MAML2: variants seen among roughly 807,000 people sequenced by gnomAD.
MAML2 encodes mastermind like transcriptional coactivator 2, also known as mastermind-like protein 2.
Under a neutral mutation model 96.1 loss-of-function variants are expected in MAML2, and 22 were observed. The observed-to-expected ratio is 0.23, with a 90% CI of 0.16 to 0.33. The LOEUF is 0.33. MAML2 is among the 10% of genes least tolerant of loss of function. The probability of loss-of-function intolerance (pLI) is 1.00; values close to 1 mark genes in which losing one functional copy is unlikely to be tolerated. For synonymous variants in MAML2, 561 were observed against 521.3 expected (o/e 1.08, Z -1.04); for missense variants, 1,367 against 1,392.4 (o/e 0.98, Z 0.29).
intron 1 of MAML2, among the ~76,000 whole-genome samples, chr11:96,172,723 C>G (rs781748156): frequency 5.3e-5 from 8 of 152,160 alleles, no homozygotes; most frequent in Non-Finnish European, 8.8e-5. Context: ...TTCACTTGTC[C>G]TGCTACAATG....
intron 1 of MAML2, among the ~76,000 whole-genome samples, chr11:96,318,522 C>T (rs1247351306): frequency 1.3e-5 from 2 of 151,950 alleles, no homozygotes; most frequent in African/African-American, 4.8e-5. Flanking sequence ...ACAAAAAAAC[C>T]CTTATTGTGG....
At chr11:96,282,467 C>T (rs1256793791) in intron 1 of MAML2, among the ~76,000 whole-genome samples, 1 of 152,090 alleles carries the variant, frequency 6.6e-6, no homozygotes, top group Non-Finnish European at 1.5e-5. Flanking sequence ...TGCTGATGTC[C>T]ACTCTCCAGG....
At chr11:96,057,588 A>G (rs1435333384) in intron 2 of MAML2, among the ~76,000 whole-genome samples, 1 of 152,212 alleles carries the variant, frequency 6.6e-6, no homozygotes, top group Non-Finnish European at 1.5e-5. Context: ...CCAGTTTTAT[A>G]GTTTTTCTTA....
At chr11:96,261,746 C>A (rs1030033419) in intron 1 of MAML2, among the ~76,000 whole-genome samples, 4 of 152,160 alleles carry the variant, frequency 2.6e-5, no homozygotes, top group African/African-American at 9.7e-5. Context: ...TATTATTCGT[C>A]TATAAAATAA....
chr11:96,124,748 T>C (rs1383308366), intron 1 of MAML2, among the ~76,000 whole-genome samples: 3 of 152,054 alleles, frequency 2.0e-5, no homozygotes, highest in Non-Finnish European at 2.9e-5. Context: ...TGCATACACC[T>C]CGTGAAAGGG....
intron 1 of MAML2, among the ~76,000 whole-genome samples, chr11:96,111,484 T>G (rs971661233): frequency 2.6e-5 from 4 of 152,200 alleles, no homozygotes; most frequent in Non-Finnish European, 5.9e-5. Context: ...TCCACTCAGA[T>G]CTCTCTAATC....
intron 1 of MAML2, among the ~76,000 whole-genome samples, chr11:96,336,991 A>G (rs186519997): frequency 8.5e-5 from 13 of 152,350 alleles, no homozygotes; most frequent in African/African-American, 2.9e-4. Flanking sequence ...ACATGATAAC[A>G]TCACCTTGAT....
At chr11:96,101,779 A>G (rs1019139181) in intron 1 of MAML2, among the ~76,000 whole-genome samples, 5 of 152,182 alleles carry the variant, frequency 3.3e-5, no homozygotes, top group African/African-American at 1.2e-4. Context: ...TCCTATGGAC[A>G]AGGCATGTGC....
At chr11:96,053,178 T>C (rs560953020) in intron 2 of MAML2, among the ~76,000 whole-genome samples, 1 of 152,316 alleles carries the variant, frequency 6.6e-6, no homozygotes, top group African/African-American at 2.4e-5. Context: ...AGTTCATTTT[T>C]TTAGAAAAAG....
chr11:96,128,465 T>G (rs963451046), intron 1 of MAML2, among the ~76,000 whole-genome samples: 3 of 152,174 alleles, frequency 2.0e-5, no homozygotes, highest in Non-Finnish European at 2.9e-5. Flanking sequence ...TGTTTCATCA[T>G]TTGCTTATTG....
At chr11:96,189,066 TTTG>T (rs762583424) in intron 1 of MAML2, among the ~76,000 whole-genome samples, 193 of 143,736 alleles carry the variant, frequency 1.3e-3, no homozygotes, top group Middle Eastern at 3.7e-3. Flanking sequence ...TAGAAACTGT[TTTG>T]TTTTTTTTTT....
At position 95,979,900 on chromosome 11, in the gene MAML2, G is replaced by A; in HGVS notation, c.2519C>T (p.Thr840Ile). The A allele has an allele frequency of 6.2e-7, 1 of 1,613,892 alleles. No individual in the cohort carries two copies. Among genetic ancestry groups the A allele is most frequent in the Non-Finnish European group, 8.5e-7 (1 of 1,179,826 alleles). The change falls in exon 5 of 5, where the codon ACC (threonine) becomes ATC (isoleucine). Residue 840 changes from threonine to isoleucine, a missense_variant. Physicochemically the swap from Thr to Ile is moderately conservative, Grantham distance 89. Transcript: ENST00000524717. Reference sequence around the variant, plus strand: ...GAGGCTGGAATTGGGAGTTAAAATGGTGTGTGTTGAAACTGGGTTTGCCAA... The same window carrying A: ...GAGGCTGGAATTGGGAGTTAAAATGATGTGTGTTGAAACTGGGTTTGCCAA... ...QALANPVSTH[T>I]ILTPNSSLLS...
intron 1 of MAML2, among the ~76,000 whole-genome samples, chr11:96,166,630 C>G (rs187323913): frequency 6.6e-6 from 1 of 152,286 alleles, no homozygotes; most frequent in Admixed American, 6.5e-5. Context: ...TTCTGAGGTT[C>G]GCTGGCATTC....
chr11:96,187,250 A>G (rs1190280467), intron 1 of MAML2, among the ~76,000 whole-genome samples: 2 of 152,362 alleles, frequency 1.3e-5, no homozygotes, highest in East Asian at 3.9e-4. Context: ...CAGATGATTA[A>G]TAAAAGCCAC....
chr11:96,263,713 G>A (rs1462271231), intron 1 of MAML2, among the ~76,000 whole-genome samples: 2 of 152,242 alleles, frequency 1.3e-5, no homozygotes, highest in African/African-American at 4.8e-5. Context: ...TTTTGAGTCT[G>A]TACTTGGGCT....
intron 2 of MAML2, among the ~76,000 whole-genome samples, chr11:96,084,274 T>C (rs1859572831): frequency 6.6e-6 from 1 of 152,148 alleles, no homozygotes; most frequent in South Asian, 2.1e-4. Context: ...GACTTTCTCC[T>C]GAGAAAATGA....
rs115037334 is a variant in MAML2 at position 96,262,167 on chromosome 11, C to G, written c.513+79216G>C. On this transcript the variant is annotated intron_variant, in intron 1 of 4. Transcript: ENST00000524717. Reference sequence around the variant, plus strand: ...GTACTAAAGTTCGAGGACCACTAATCTGGAAATAGGTGTCACTGAGACATT... The same window carrying G: ...GTACTAAAGTTCGAGGACCACTAATGTGGAAATAGGTGTCACTGAGACATT... Among the ~76,000 whole-genome samples the G allele has an allele frequency of 8.1e-3, 1,231 of 152,276 alleles. 18 individuals carry two copies. The highest frequency in any genetic ancestry group is 0.027 in the African/African-American group (1,137 of 41,540).
chr11:96,109,401 C>T (rs1860081473), intron 1 of MAML2, among the ~76,000 whole-genome samples: 2 of 152,142 alleles, frequency 1.3e-5, no homozygotes, highest in Admixed American at 1.3e-4. Context: ...ATAACTCTAA[C>T]TACCAAATAT....
At chr11:96,208,781 A>G (rs756722519) in intron 1 of MAML2, among the ~76,000 whole-genome samples, 7 of 152,366 alleles carry the variant, frequency 4.6e-5, no homozygotes, top group Non-Finnish European at 1.0e-4. Flanking sequence ...AGGAGGCACC[A>G]GGGAAAGGTG....
Sources: allele counts gnomAD v4.1 joint callset (sites outside exome capture counted in the v4.1 genomes callset), GRCh38; gene constraint gnomAD v4.1.1; transcripts MANE v1.5; gene names NCBI Gene and HGNC (gene_info 2026-07-23, HGNC 2026-07-21).